The following CFAP20DC variants were observed in gnomAD, a reference collection of about 807,000 sequenced individuals.
The protein encoded by CFAP20DC is protein CFAP20DC.
A neutral mutation model predicts 101.7 loss-of-function variants in CFAP20DC; 84 were observed. That is an observed-to-expected ratio of 0.83 (90% CI 0.69 to 0.99). The LOEUF (loss-of-function observed/expected upper bound fraction) is 0.99, where lower values mean the gene tolerates loss of function less well. Among genes scored for constraint, CFAP20DC ranks in the 50% least tolerant of loss-of-function variants. The pLI, the probability that CFAP20DC is intolerant of heterozygous loss-of-function variation, is 0.00. For missense variants in CFAP20DC, 1,007 were observed against 970.3 expected (o/e 1.04, Z -0.50); for synonymous variants, 359 against 351.2 (o/e 1.02, Z -0.25).
chr3:58,898,633 T>G (rs1247991574), intron 6 of CFAP20DC, among the ~76,000 whole-genome samples: 1 of 152,202 alleles, frequency 6.6e-6, no homozygotes, highest in Non-Finnish European at 1.5e-5. Flanking sequence ...TACAACATGC[T>G]CCTTTAGCTC....
chr3:59,048,998 TA>T (rs1396576147), intron 1 of CFAP20DC, among the ~76,000 whole-genome samples: 1 of 152,108 alleles, frequency 6.6e-6, no homozygotes, highest in Non-Finnish European at 1.5e-5. Context: ...GGGAACTAGT[TA>T]AAAAGCTTAA....
intron 4 of CFAP20DC, among the ~76,000 whole-genome samples, chr3:58,960,065 G>A (rs1378464852): frequency 6.6e-6 from 1 of 152,050 alleles, no homozygotes; most frequent in Non-Finnish European, 1.5e-5. Flanking sequence ...GCATAAAGTT[G>A]TTCACAGTAT....
chr3:59,021,256 C>G (rs1429643095), intron 4 of CFAP20DC, among the ~76,000 whole-genome samples: 2 of 152,036 alleles, frequency 1.3e-5, no homozygotes, highest in Non-Finnish European at 2.9e-5. Flanking sequence ...TTAAGACAAC[C>G]TTAGGATTCC....
In CFAP20DC at chr3:58,824,157, T is replaced by A. The variant is rs576975052; in HGVS notation, c.2175+7529A>T. On this transcript the variant is annotated intron_variant, in intron 14 of 16. Transcript: ENST00000482387. Reference sequence around the variant, plus strand: ...ATGATTTATCTGCAGCTTAGCACAATCAACTGCATACCTTTTTAGTTCAGG... The same window carrying A: ...ATGATTTATCTGCAGCTTAGCACAAACAACTGCATACCTTTTTAGTTCAGG... 6.9e-4 allele frequency among the ~76,000 whole-genome samples: 105 copies of A among 152,294 alleles called. 2 individuals are homozygous for A. Among genetic ancestry groups the A allele is most frequent in the South Asian group, 1.9e-3 (9 of 4,826 alleles).
intron 4 of CFAP20DC, among the ~76,000 whole-genome samples, chr3:58,984,068 TA>T (rs2108537386): frequency 6.6e-6 from 1 of 152,358 alleles, no homozygotes; most frequent in Admixed American, 6.5e-5. Context: ...CATTAATGTT[TA>T]AATGGAAAAG....
At chr3:58,862,997 T>A (rs1237917285) in intron 12 of CFAP20DC, 1 of 980,288 alleles carries the variant, frequency 1.0e-6, no homozygotes, top group African/African-American at 1.7e-5. Context: ...ATATTCTAAA[T>A]AATTGCAAAC....
At chr3:59,009,322 G>C (rs1320164310) in intron 4 of CFAP20DC, among the ~76,000 whole-genome samples, 1 of 152,042 alleles carries the variant, frequency 6.6e-6, no homozygotes, top group East Asian at 1.9e-4. Flanking sequence ...ATGGATTGAA[G>C]TAGAAATCTC....
chr3:58,785,236 T>C (rs2072225479), intron 15 of CFAP20DC, among the ~76,000 whole-genome samples: 2 of 152,038 alleles, frequency 1.3e-5, no homozygotes, highest in African/African-American at 4.8e-5. Flanking sequence ...AAAGTGGATC[T>C]CATGGAGGTA....
At chr3:58,806,353 A>C (rs1176484296) in intron 15 of CFAP20DC, 42 bp downstream of exon 15, 6 of 1,231,932 alleles carry the variant, frequency 4.9e-6, no homozygotes, top group South Asian at 1.3e-5. Flanking sequence ...CTTCCAACTA[A>C]GTTTTTTTTT....
intron 3 of CFAP20DC, chr3:58,726,962 C>T (rs1284142135): frequency 2.9e-5 from 6 of 207,868 alleles, no homozygotes; most frequent in Non-Finnish European, 4.8e-5. Flanking sequence ...GAGATGAGAG[C>T]GACCCATCCC....
At position 58,863,818 on chromosome 3, in the gene CFAP20DC, C is replaced by T; in HGVS notation, c.1333G>A (p.Asp445Asn). 1.2e-6 allele frequency: 2 copies of T among 1,614,206 alleles called. No individual in the cohort carries two copies. Among genetic ancestry groups the T allele is most frequent in the Non-Finnish European group, 8.5e-7 (1 of 1,180,028 alleles). ...ASSRQSLLLG[D>N]DSCNPSHLWL... ...AGGTGTGATGGGTTGCAGGAGTCAT[C>T]ACCCAGAAGTAGAGACTGTCTGCTG... Residue 445 changes from aspartate (D) to asparagine (N), a missense_variant, in exon 12 of 17, where the codon GAT becomes AAT. Asp to Asn is a conservative substitution (Grantham distance 23). Coordinates refer to ENST00000482387, the MANE Select transcript of CFAP20DC (RefSeq NM_001394063.1). The surrounding 1 kb of genome is among the most constrained non-coding windows in gnomAD (Gnocchi z 5.9).
chr3:58,953,548 C>T (rs1236625858), intron 4 of CFAP20DC: 2 of 152,130 alleles, frequency 1.3e-5, no homozygotes, highest in Non-Finnish European at 1.5e-5. Flanking sequence ...CTTCCCCTAT[C>T]TCATAATCAA....
chr3:58,829,346 TATTGTGATGAATA>T, intron 14 of CFAP20DC, among the ~76,000 whole-genome samples: 1 of 151,538 alleles, frequency 6.6e-6, no homozygotes, highest in Middle Eastern at 3.5e-3. Context: ...AAAGGGATAT[TATTGTGATGAATA>T]AAGTTATGAA....
chr3:58,957,124 T>G (rs1356206007), intron 4 of CFAP20DC, among the ~76,000 whole-genome samples: 1 of 152,084 alleles, frequency 6.6e-6, no homozygotes, highest in East Asian at 1.9e-4. Context: ...GACTAATAAT[T>G]AGAATATATA....
intron 5 of CFAP20DC, among the ~76,000 whole-genome samples, chr3:58,916,768 G>A (rs1199383016): frequency 6.6e-6 from 1 of 152,074 alleles, no homozygotes; most frequent in African/African-American, 2.4e-5. Flanking sequence ...TGATTTAGCT[G>A]ATATTGATAA....
At chr3:58,852,192 ATTC>A (rs1341796570) in intron 12 of CFAP20DC, among the ~76,000 whole-genome samples, 1 of 152,104 alleles carries the variant, frequency 6.6e-6, no homozygotes, top group Admixed American at 6.6e-5. Context: ...TCCTGTGACA[ATTC>A]TTCAAGGAAA....
chr3:58,979,994 T>G (rs1408360536), intron 4 of CFAP20DC, among the ~76,000 whole-genome samples: 1 of 152,158 alleles, frequency 6.6e-6, no homozygotes, highest in Non-Finnish European at 1.5e-5. Context: ...GTTGAAATGA[T>G]CGATTAGCAC....
At chr3:58,935,117 T>C (rs1460353776) in intron 5 of CFAP20DC, among the ~76,000 whole-genome samples, 1 of 152,186 alleles carries the variant, frequency 6.6e-6, no homozygotes, top group African/African-American at 2.4e-5. Context: ...CAAGCATTCT[T>C]ATATACCAAT....
intron 3 of CFAP20DC, among the ~76,000 whole-genome samples, chr3:58,720,261 C>G (rs2067452952): frequency 6.6e-6 from 1 of 152,174 alleles, no homozygotes; most frequent in South Asian, 2.1e-4. Context: ...ACACACAAAG[C>G]CTGATTGTTG....
Sources: gnomAD v4.1 joint callset for allele counts (sites outside exome capture counted in the v4.1 genomes callset) on GRCh38, gnomAD v4.1.1 for gene constraint, Gnocchi (gnomAD v3.1) non-coding constraint, MANE v1.5 for transcripts, NCBI Gene and HGNC (gene_info 2026-07-23, HGNC 2026-07-21) for gene names.